RGSL1: variants seen among roughly 807,000 people sequenced by gnomAD.
The protein encoded by RGSL1 is regulator of G protein signaling protein-like.
A neutral mutation model predicts 124.7 loss-of-function variants in RGSL1; 97 were observed. The ratio of observed to expected loss-of-function variants is 0.78; its 90% CI spans 0.66 to 0.92. RGSL1 has a LOEUF of 0.92. Among genes scored for constraint, RGSL1 ranks in the 40% least tolerant of loss-of-function variants. RGSL1 has a pLI of 0.00. For synonymous variants in RGSL1, 424 were observed against 438.1 expected, an observed-to-expected ratio of 0.97 and a Z score of 0.40; for missense variants, 1,233 against 1,288.4, an observed-to-expected ratio of 0.96 and a Z score of 0.66.
At chr1:182,470,039 A>G (rs532837283) in intron 4 of RGSL1, among the ~76,000 whole-genome samples, 2 of 152,184 alleles carry the variant, frequency 1.3e-5, no homozygotes, top group East Asian at 3.9e-4. Context: ...TTAATGAGTA[A>G]AGAGTTTCAG....
Position 182,556,040 on chromosome 1 carries a change from A to G in RGSL1, c.3214A>G (p.Ile1072Val), listed in dbSNP as rs757095039. 64 of 1,551,486 alleles carry G rather than the reference A, an allele frequency of 4.1e-5. No homozygotes were observed. In the Middle Eastern group the frequency reaches 5.0e-4, roughly 12 times the overall value. ...TCCCTTCAGACAAAAATTATCCTACATCAAAAAAGAGAAGTAATCAAGCGA... is the reference window on the plus strand; with the variant it reads ...TCCCTTCAGACAAAAATTATCCTACGTCAAAAAAGAGAAGTAATCAAGCGA... ...HPVQGQKLSY[I>V]KKEK Residue 1072 changes from isoleucine to valine, a missense_variant, in exon 21 of 22, where the codon ATC becomes GTC. Ile to Val is a conservative substitution (Grantham distance 29, BLOSUM62 3). Transcript: ENST00000294854.
chr1:182,498,364 G>A (rs1269611802), intron 9 of RGSL1, among the ~76,000 whole-genome samples: 7 of 146,186 alleles, frequency 4.8e-5, no homozygotes, highest in African/African-American at 1.3e-4. Flanking sequence ...AGAATCAGTC[G>A]TTTATTTGAA....
In RGSL1 at chr1:182,474,307, T is replaced by G; in HGVS notation, c.1196T>G (p.Leu399Arg). ...CTGAATTTGAAAGTGGAGATCCAAC[T>G]TCTTGACCTCTGGCAGGACTTGCAG... Reference protein sequence around the residue: ...KKLNLKVEIQLLDLWQDLQHF... With the variant: ...KKLNLKVEIQRLDLWQDLQHF... Residue 399 changes from leucine to arginine, a missense_variant, in exon 6 of 22, where the codon CTT (leucine) becomes CGT (arginine). Leu to Arg is a moderately radical substitution (Grantham distance 102). Coordinates refer to ENST00000294854, the MANE Select transcript of RGSL1 (RefSeq NM_001137669.2). 1 of 1,551,808 alleles carries G rather than the reference T, an allele frequency of 6.4e-7. No homozygotes were observed. Among genetic ancestry groups the G allele is most frequent in the Non-Finnish European group, 8.7e-7 (1 of 1,147,008 alleles).
intron 9 of RGSL1, among the ~76,000 whole-genome samples, chr1:182,499,574 A>C (rs1191910238): frequency 1.3e-5 from 2 of 152,152 alleles, no homozygotes; most frequent in African/African-American, 4.8e-5. Flanking sequence ...GTGTCATTGC[A>C]TGTGAGATGA....
intron 9 of RGSL1, among the ~76,000 whole-genome samples, chr1:182,519,013 G>C (rs1558365095): frequency 6.6e-6 from 1 of 151,260 alleles, no homozygotes; most frequent in Non-Finnish European, 1.5e-5. Flanking sequence ...ATTAAAATGG[G>C]GGGGGGTAGG....
At chr1:182,456,121 G>A (rs1431735210) in intron 2 of RGSL1, among the ~76,000 whole-genome samples, 1 of 152,108 alleles carries the variant, frequency 6.6e-6, no homozygotes, top group Non-Finnish European at 1.5e-5. Flanking sequence ...TGGGCAAGGT[G>A]GTAACAGGAA....
intron 13 of RGSL1, among the ~76,000 whole-genome samples, chr1:182,532,168 CTT>C (rs1430440921): frequency 1.3e-5 from 2 of 151,884 alleles, no homozygotes; most frequent in Non-Finnish European, 2.9e-5. Context: ...GATGAGGAAA[CTT>C]ATGAAATTCG....
chr1:182,558,984 A>T (rs1218738244), intron 21 of RGSL1, among the ~76,000 whole-genome samples: 4 of 152,208 alleles, frequency 2.6e-5, no homozygotes, highest in Non-Finnish European at 5.9e-5. Flanking sequence ...CTTAGAGAAG[A>T]ATGTATGAAC....
At chr1:182,538,466 T>G (rs1388127092) in intron 14 of RGSL1, among the ~76,000 whole-genome samples, 1 of 151,538 alleles carries the variant, frequency 6.6e-6, no homozygotes, top group Non-Finnish European at 1.5e-5. Context: ...AAGCGGAGCT[T>G]GCAATGAGCT....
upstream of RGSL1, chr1:182,450,112 C>T: frequency 6.5e-7 from 1 of 1,549,152 alleles, no homozygotes; most frequent in Non-Finnish European, 8.7e-7. Flanking sequence ...GTTCTATTGA[C>T]TGGGGGGTAA....
At chr1:182,539,161 A>C (rs1378870143) in intron 14 of RGSL1, among the ~76,000 whole-genome samples, 1 of 152,144 alleles carries the variant, frequency 6.6e-6, no homozygotes, top group Non-Finnish European at 1.5e-5. Flanking sequence ...CTCCCCCTCT[A>C]CCACCAGAGC....
intron 9 of RGSL1, among the ~76,000 whole-genome samples, chr1:182,515,056 C>A (rs1459954588): frequency 6.6e-6 from 1 of 152,180 alleles, no homozygotes; most frequent in Non-Finnish European, 1.5e-5. Context: ...GGCAGTCTTC[C>A]TTTCTCTTCC....
chr1:182,448,754 C>T (rs1651622694), upstream of RGSL1, among the ~76,000 whole-genome samples: 1 of 152,182 alleles, frequency 6.6e-6, no homozygotes. Context: ...GGTCAGGGAT[C>T]TAACCATTAT....
chr1:182,494,384 C>T (rs1473194151), intron 9 of RGSL1, among the ~76,000 whole-genome samples: 1 of 152,202 alleles, frequency 6.6e-6, no homozygotes, highest in Non-Finnish European at 1.5e-5. Context: ...TGGCACTGTC[C>T]ATTACAGGAG....
At position 182,530,893 on chromosome 1, in the gene RGSL1, T is replaced by A; in HGVS notation, c.2347T>A (p.Tyr783Asn). 1 of 1,548,702 alleles carries A rather than the reference T, an allele frequency of 6.5e-7. No homozygotes were observed. The highest frequency in any genetic ancestry group is 8.7e-7 in the Non-Finnish European group (1 of 1,145,670). Residue 783 changes from tyrosine to asparagine, a missense_variant, in exon 13 of 22, where the codon TAC becomes AAC. Physicochemically the swap from Tyr to Asn is moderately radical, Grantham distance 143. Coordinates refer to ENST00000294854, the MANE Select transcript of RGSL1 (RefSeq NM_001137669.2). Reference sequence around the variant, plus strand: ...GAAGCCCTCAAAGATAGTGTCAACTTACCTACAGGAATCCCAGGTTAGTGA... The same window carrying A: ...GAAGCCCTCAAAGATAGTGTCAACTAACCTACAGGAATCCCAGGTTAGTGA... Reference protein sequence around the residue: ...SRKPSKIVSTYLQESQKKGWM... With the variant: ...SRKPSKIVSTNLQESQKKGWM...
At chr1:182,548,112 G>C (rs1304377424) in intron 15 of RGSL1, among the ~76,000 whole-genome samples, 1 of 152,194 alleles carries the variant, frequency 6.6e-6, no homozygotes, top group Non-Finnish European at 1.5e-5. Context: ...ACATTCACTT[G>C]AAGGGGCACT....
intron 4 of RGSL1, among the ~76,000 whole-genome samples, chr1:182,466,109 C>T (rs1297665211): frequency 2.0e-5 from 3 of 150,676 alleles, no homozygotes; most frequent in Non-Finnish European, 4.4e-5. Context: ...TGACAAAATA[C>T]AACACCCTTT....
Position 182,474,190 on chromosome 1 carries a change from C to A in RGSL1, c.1079C>A (p.Ala360Asp), listed in dbSNP as rs1219696801. 1 of 1,552,066 alleles carries A rather than the reference C, an allele frequency of 6.4e-7. No homozygotes were observed. Among genetic ancestry groups the A allele is most frequent in the Admixed American group, 2.0e-5 (1 of 51,008 alleles). Residue 360 changes from alanine to aspartate, a missense_variant, in exon 6 of 22, where the codon GCC (alanine) becomes GAC (aspartate). Physicochemically the swap from Ala to Asp is moderately radical, Grantham distance 126. Coordinates refer to ENST00000294854, the MANE Select transcript of RGSL1 (RefSeq NM_001137669.2). Reference protein sequence around the residue: ...NHSSKMTIQKAIKQSFSLGYI... With the variant: ...NHSSKMTIQKDIKQSFSLGYI... ...TCCTCCAAGATGACAATTCAGAAGG[C>A]CATCAAGCAAAGCTTCTCCTTAGGA...
intron 4 of RGSL1, among the ~76,000 whole-genome samples, chr1:182,468,143 A>T (rs549386059): frequency 3.0e-4 from 45 of 152,352 alleles, no homozygotes; most frequent in Admixed American, 2.9e-3. Context: ...GATGTGGAGA[A>T]ATAGGAACAC....
Sources: gnomAD v4.1 joint callset for allele counts (sites outside exome capture counted in the v4.1 genomes callset) on GRCh38, gnomAD v4.1.1 for gene constraint, MANE v1.5 for transcripts, NCBI Gene and HGNC (gene_info 2026-07-23, HGNC 2026-07-21) for gene names.